The following LRTM1 variants were observed in gnomAD, a reference collection of about 807,000 sequenced individuals.
LRTM1 encodes the protein leucine rich repeat transmembrane protein 1.
A neutral mutation model predicts 32.4 loss-of-function variants in LRTM1; 38 were observed. That is an observed-to-expected ratio of 1.17 (90% CI 0.91 to 1.54). The LOEUF (loss-of-function observed/expected upper bound fraction) is 1.54. LRTM1 is among the 40% of genes most tolerant of loss of function. The pLI, the probability that LRTM1 is intolerant of heterozygous loss-of-function variation, is 0.00. For missense variants in LRTM1, 466 were observed against 415.4 expected, an observed-to-expected ratio of 1.12 and a Z score of -1.06; for synonymous variants, 186 against 169.9, an observed-to-expected ratio of 1.09 and a Z score of -0.74.
At chr3:54,946,489 G>A (rs528222700) in intron 1 of LRTM1, among the ~76,000 whole-genome samples, 2 of 152,298 alleles carry the variant, frequency 1.3e-5, no homozygotes, top group South Asian at 4.1e-4. Flanking sequence ...ATGAAAGGAG[G>A]GGGGATGTGA....
intron 1 of LRTM1, among the ~76,000 whole-genome samples, chr3:54,936,487 T>C (rs1701332774): frequency 6.6e-6 from 1 of 152,188 alleles, no homozygotes; most frequent in Non-Finnish European, 1.5e-5. Context: ...ACCACTTTCA[T>C]GTGGGATGTT....
chr3:54,941,450 G>A (rs1701463382), intron 1 of LRTM1, among the ~76,000 whole-genome samples: 1 of 152,136 alleles, frequency 6.6e-6, no homozygotes, highest in South Asian at 2.1e-4. Context: ...CCCAGGGATG[G>A]GGCTTTAAGA....
chr3:54,938,608 C>T (rs780006611), intron 1 of LRTM1, among the ~76,000 whole-genome samples: 4 of 151,714 alleles, frequency 2.6e-5, no homozygotes, highest in Admixed American at 1.3e-4. Flanking sequence ...ATTGACCAAG[C>T]CCCCTTAGTT....
At chr3:54,959,978 A>C (rs902304224) in intron 1 of LRTM1, among the ~76,000 whole-genome samples, 4 of 151,982 alleles carry the variant, frequency 2.6e-5, no homozygotes, top group Admixed American at 1.3e-4. Flanking sequence ...TTCAACATCA[A>C]TCCAGTCAAG....
upstream of LRTM1, among the ~76,000 whole-genome samples, chr3:54,931,587 AG>A (rs1701193336): frequency 6.6e-6 from 1 of 152,146 alleles, no homozygotes; most frequent in South Asian, 2.1e-4. Flanking sequence ...CTGCACTATG[AG>A]GGTCTCCTGG....
At chr3:54,953,013 A>G (rs1282855634) in intron 1 of LRTM1, among the ~76,000 whole-genome samples, 2 of 152,192 alleles carry the variant, frequency 1.3e-5, no homozygotes, top group South Asian at 2.1e-4. Context: ...AGCAGGAGTC[A>G]TTCTCCAGTC....
At chr3:54,923,353 GC>G (rs1371149539) in intron 2 of LRTM1, among the ~76,000 whole-genome samples, 6 of 151,860 alleles carry the variant, frequency 4.0e-5, no homozygotes, top group Non-Finnish European at 8.8e-5. Flanking sequence ...CCCTCATCAA[GC>G]CCTTTGCGTT....
intron 1 of LRTM1, among the ~76,000 whole-genome samples, chr3:54,942,282 G>T (rs1310245884): frequency 6.6e-6 from 1 of 152,190 alleles, no homozygotes; most frequent in African/African-American, 2.4e-5. Flanking sequence ...TGAACAGGCA[G>T]TCAGTCAAAG....
chr3:54,918,936 A>G lies in LRTM1; in HGVS notation c.605-44T>C, dbSNP rs79092899. ...AAGAACAATAACAAAGCCTTGATAC[A>G]ACAGAGTTCCAAAATCCTCTGCCTG... On this transcript the variant is annotated intron_variant, in intron 2 of 2. Coordinates refer to ENST00000273286, the MANE Select transcript of LRTM1 (RefSeq NM_020678.4). 191 of 1,447,860 alleles carry G rather than the reference A, an allele frequency of 1.3e-4. No individual in the cohort carries two copies. The African/African-American group carries it at 2.5e-3, about 19-fold the overall frequency. The allele number at this position is 1,447,860 out of a possible 1,614,324, so 89.7% of individuals were successfully genotyped here. A position where few individuals can be genotyped will look rare whatever the true frequency, so the allele number is the denominator to read the frequency against.
chr3:54,953,069 A>G (rs1277744687), intron 1 of LRTM1, among the ~76,000 whole-genome samples: 1 of 152,144 alleles, frequency 6.6e-6, no homozygotes, highest in Non-Finnish European at 1.5e-5. Context: ...GGAAACCAGG[A>G]TATGGATTAA....
upstream of LRTM1, among the ~76,000 whole-genome samples, chr3:54,931,180 C>T (rs562188976): frequency 6.6e-6 from 1 of 152,300 alleles, no homozygotes; most frequent in East Asian, 1.9e-4. Flanking sequence ...CTGCTCCCAC[C>T]TAAAACACGA....
intron 1 of LRTM1, among the ~76,000 whole-genome samples, chr3:54,933,102 T>A (rs369937854): frequency 1.7e-5 from 2 of 114,746 alleles, no homozygotes; most frequent in South Asian, 2.7e-4. Flanking sequence ...CCTTCCTTCC[T>A]TCCTTCCTTC....
At chr3:54,959,179 G>A (rs1176943891) in intron 1 of LRTM1, among the ~76,000 whole-genome samples, 15 of 152,168 alleles carry the variant, frequency 9.9e-5, no homozygotes, top group Admixed American at 2.6e-4. Flanking sequence ...ATTGAGTCTC[G>A]TGTTCCACAA....
In LRTM1 at chr3:54,918,660, C is replaced by T. The variant is rs150198745; in HGVS notation, c.837G>A (p.Pro279=). The T allele has an allele frequency of 2.7e-5, 43 of 1,614,018 alleles. No individual in the cohort carries two copies. The highest frequency in any genetic ancestry group is 1.3e-4 in the Admixed American group (8 of 60,006). Reference sequence around the variant, plus strand: ...TGGCAATGGCATGACGCAGGTTGGCCGGCCTTGGCTTGGGTTTGAGCTCGC... The same window carrying T: ...TGGCAATGGCATGACGCAGGTTGGCTGGCCTTGGCTTGGGTTTGAGCTCGC... ...LECELKPKPR[P]ANLRHAIATV... Residue 279 remains proline (P), a synonymous_variant, in exon 3 of 3, where the codon CCG becomes CCA. Coordinates refer to ENST00000273286, the MANE Select transcript of LRTM1 (RefSeq NM_020678.4).
At chr3:54,934,308 G>A (rs949178647) in intron 1 of LRTM1, among the ~76,000 whole-genome samples, 14 of 152,184 alleles carry the variant, frequency 9.2e-5, no homozygotes, top group Admixed American at 1.3e-4. Flanking sequence ...TGACTCAGGA[G>A]GTGAGAACAT....
At chr3:54,963,446 C>G (rs1229119176) in intron 1 of LRTM1, among the ~76,000 whole-genome samples, 2 of 152,186 alleles carry the variant, frequency 1.3e-5, no homozygotes, top group Non-Finnish European at 2.9e-5. Flanking sequence ...GCCTCTAGCA[C>G]CCTGTGGCTA....
Position 54,924,910 on chromosome 3 carries a change from G to C in LRTM1, c.313C>G (p.Leu105Val). 1 of 1,613,446 alleles carries C rather than the reference G, an allele frequency of 6.2e-7. No homozygotes were observed. Among genetic ancestry groups the C allele is most frequent in the African/African-American group, 1.3e-5 (1 of 75,012 alleles). Residue 105 changes from leucine (L) to valine (V), a missense_variant, in exon 2 of 3, where the codon CTA (leucine) becomes GTA (valine). Leu to Val is a conservative substitution (Grantham distance 32, BLOSUM62 1). Transcript: ENST00000273286. ...HGLQHLQVLN[L>V]TQNSLLSLES... ...AGGGAAAGGAGTGAATTCTGGGTTA[G>C]ATTTAAAACCTGCAAGTGCTGAAGC...
intron 1 of LRTM1, among the ~76,000 whole-genome samples, chr3:54,951,933 C>G (rs1387317413): frequency 6.6e-6 from 1 of 152,132 alleles, no homozygotes; most frequent in Non-Finnish European, 1.5e-5. Context: ...ACTGCAACCT[C>G]CCTACCCCAG....
rs563941454 is a variant in LRTM1, at chr3:54,927,976, C to T, written c.-65G>A. ...CCTTTAATTAATGTGCAGAGCAACA[C>T]ACGAAGGGCATGGCAGACTCAGAGC... is the stretch of plus-strand genomic sequence containing the variant. On this transcript the variant is annotated 5_prime_UTR_variant, in exon 1 of 3. The change creates a new upstream start codon in the 5' untranslated region. Coordinates refer to ENST00000273286, the MANE Select transcript of LRTM1 (RefSeq NM_020678.4). 2 of 1,516,170 alleles carry T rather than the reference C, an allele frequency of 1.3e-6. No individual in the cohort carries two copies. Among genetic ancestry groups the T allele is most frequent in the Admixed American group, 1.7e-5 (1 of 59,704 alleles). 93.9% of individuals were successfully genotyped at this position (1,516,170 alleles called of 1,614,324 possible). A position where few individuals can be genotyped will look rare whatever the true frequency, so the allele number is the denominator to read the frequency against.
Sources: allele counts gnomAD v4.1 joint callset (sites outside exome capture counted in the v4.1 genomes callset), GRCh38; gene constraint gnomAD v4.1.1; transcripts MANE v1.5; gene names NCBI Gene and HGNC (gene_info 2026-07-23, HGNC 2026-07-21).